Variants in WDR82 observed in about 807,000 individuals in gnomAD.
The protein encoded by WDR82 is WD repeat-containing protein 82.
Under a neutral mutation model 36.1 loss-of-function variants are expected in WDR82, and 8 were observed. That is an observed-to-expected ratio of 0.22 (90% CI 0.13 to 0.40). WDR82 has a LOEUF of 0.40. Ranked by LOEUF, WDR82 falls within the 10% of genes least tolerant of loss-of-function variation. WDR82 has a pLI of 1.00. For missense variants in WDR82, 185 were observed against 400.5 expected (o/e 0.46, Z 4.59); for synonymous variants, 129 against 137.8 (o/e 0.94, Z 0.45).
chr3:52,272,218 A>G (rs1700160624), intron 1 of WDR82, among the ~76,000 whole-genome samples: 1 of 152,228 alleles, frequency 6.6e-6, no homozygotes, highest in African/African-American at 2.4e-5. Context: ...CAGAACCTTT[A>G]ACCAAAAACT....
intron 2 of WDR82, among the ~76,000 whole-genome samples, 185 bp downstream of exon 2, chr3:52,270,527 T>A (rs1053734352): frequency 7.9e-5 from 12 of 152,224 alleles, no homozygotes; most frequent in Admixed American, 7.2e-4. Flanking sequence ...CAGTCCCAAG[T>A]CCTTCAAAAG....
chr3:52,278,611 A>C lies in WDR82; in HGVS notation c.-250T>G. 2.5e-6 allele frequency: 1 copy of C among 398,872 alleles called. No individual in the cohort carries two copies. The highest frequency in any genetic ancestry group is 4.4e-6 in the Non-Finnish European group (1 of 227,306). The allele number at this position is 398,872 out of a possible 1,614,324, so 24.7% of individuals were successfully genotyped here. Reference sequence around the variant, plus strand: ...CGGACAACCGGCGCGTCGCCGGCTCATTGTGTCCGCCATTTTGGGGCGACA... The same window carrying C: ...CGGACAACCGGCGCGTCGCCGGCTCCTTGTGTCCGCCATTTTGGGGCGACA... On this transcript the variant is annotated 5_prime_UTR_variant, in exon 1 of 9. An upstream start codon of the reference 5' UTR is lost. Transcript: ENST00000296490.
chr3:52,266,369 A>G (rs1284800458), intron 3 of WDR82, among the ~76,000 whole-genome samples: 1 of 152,052 alleles, frequency 6.6e-6, no homozygotes, highest in Admixed American at 6.5e-5. Flanking sequence ...CTAGTTTTAT[A>G]TGTATATATA....
In WDR82 at chr3:52,254,782, T is replaced by C. The variant is rs1046148615; in HGVS notation, c.*2708A>G. ...TGCCCCACTCCCCACCCATCCCCAA[T>C]AGGGCTTGAGCACCTGTAGCCCTGC... On this transcript the variant is annotated 3_prime_UTR_variant, in exon 9 of 9. Transcript: ENST00000296490. 6 of 152,132 alleles carry C rather than the reference T, an allele frequency of 3.9e-5. No homozygotes were observed. Among genetic ancestry groups the C allele is most frequent in the Admixed American group, 2.0e-4 (3 of 15,270 alleles). The allele number at this position is 152,132 out of a possible 1,614,324, so 9.4% of individuals were successfully genotyped here.
In WDR82 at chr3:52,278,416, G is replaced by A. The variant is rs1700227533; in HGVS notation, c.-55C>T. 10 of 1,239,634 alleles carry A rather than the reference G, an allele frequency of 8.1e-6. No homozygotes were observed. Among genetic ancestry groups the A allele is most frequent in the South Asian group, 2.6e-5 (1 of 38,770 alleles). The allele number at this position is 1,239,634 out of a possible 1,614,324, so 76.8% of individuals were successfully genotyped here. A position where few individuals can be genotyped will look rare whatever the true frequency, so the allele number is the denominator to read the frequency against. On this transcript the variant is annotated 5_prime_UTR_variant, in exon 1 of 9. Transcript: ENST00000296490. ...CAGGGCCGGGGCGGGGCCCGGCGGC[G>A]AGCGGGCGGGCTGCCGAGGGGCCAA...
intron 2 of WDR82, among the ~76,000 whole-genome samples, 170 bp downstream of exon 2, chr3:52,270,542 A>G (rs1220029159): frequency 6.6e-6 from 1 of 152,244 alleles, no homozygotes; most frequent in East Asian, 1.9e-4. Context: ...CAAAAGTGCC[A>G]ATGGCTTGCT....
chr3:52,273,651 C>T (rs1209445153), intron 1 of WDR82, among the ~76,000 whole-genome samples: 2 of 152,122 alleles, frequency 1.3e-5, no homozygotes, highest in East Asian at 1.9e-4. Context: ...GAGACATTCT[C>T]GCTCTGTTAC....
chr3:52,278,420 G>T lies in WDR82; in HGVS notation c.-59C>A. 2 of 1,229,758 alleles carry T rather than the reference G, an allele frequency of 1.6e-6. No homozygotes were observed. Among genetic ancestry groups the T allele is most frequent in the Non-Finnish European group, 2.0e-6 (2 of 983,112 alleles). The allele number at this position is 1,229,758 out of a possible 1,614,324, so 76.2% of individuals were successfully genotyped here. On this transcript the variant is annotated 5_prime_UTR_variant, in exon 1 of 9. Coordinates refer to ENST00000296490, the MANE Select transcript of WDR82 (RefSeq NM_025222.4). ...GCCGGGGCGGGGCCCGGCGGCGAGC[G>T]GGCGGGCTGCCGAGGGGCCAACCCA...
rs187484877 is a variant in WDR82, at chr3:52,266,210, C to T, written c.326+742G>A. 1.2e-3 allele frequency among the ~76,000 whole-genome samples: 179 copies of T among 152,096 alleles called. 1 individual carries two copies. The highest frequency in any genetic ancestry group is 9.0e-3 in the Admixed American group (137 of 15,276). ...TAAATGGAACATTTTTACATAGGGGCCCACTGAAATGGGGGCCACATATAT... is the reference window on the plus strand; with the variant it reads ...TAAATGGAACATTTTTACATAGGGGTCCACTGAAATGGGGGCCACATATAT... On this transcript the variant is annotated intron_variant, in intron 3 of 8. Coordinates refer to ENST00000296490, the MANE Select transcript of WDR82 (RefSeq NM_025222.4).
At chr3:52,267,676 T>C (rs1700117945) in intron 2 of WDR82, 1 of 152,304 alleles carries the variant, frequency 6.6e-6, no homozygotes, top group Non-Finnish European at 1.5e-5. Flanking sequence ...AGCAGTGAGA[T>C]TTTGACAATA....
intron 2 of WDR82, 47 bp from the exon 3 acceptor site, chr3:52,267,065 A>G: frequency 6.9e-7 from 1 of 1,456,274 alleles, no homozygotes; most frequent in Non-Finnish European, 9.5e-7. Context: ...TATTTAAAAG[A>G]AATTTACTTT....
intron 2 of WDR82, 108 bp downstream of exon 2, chr3:52,270,604 G>T: frequency 1.2e-6 from 1 of 847,800 alleles, no homozygotes; most frequent in Admixed American, 2.6e-5. Context: ...AACATTATAT[G>T]AAAATACTTA....
At chr3:52,264,485 C>T (rs562096691) in intron 3 of WDR82, among the ~76,000 whole-genome samples, 1 of 152,160 alleles carries the variant, frequency 6.6e-6, no homozygotes, top group South Asian at 2.1e-4. Context: ...TTGGATAAAG[C>T]CCCATAGACG....
chr3:52,268,503 G>A (rs371455918), intron 2 of WDR82: 1 of 321,906 alleles, frequency 3.1e-6, no homozygotes, highest in Admixed American at 3.8e-5. Flanking sequence ...CACATTTGGA[G>A]AATCCTCATT....
chr3:52,258,817 C>T (rs1700034004), intron 7 of WDR82, 139 bp from the exon 8 acceptor site: 1 of 1,224,658 alleles, frequency 8.2e-7, no homozygotes, highest in Admixed American at 2.4e-5. Context: ...GGAGGAGAGG[C>T]AGTGAAGGAA....
At chr3:52,261,822 T>C (rs1257703283) in intron 3 of WDR82, among the ~76,000 whole-genome samples, 1 of 152,134 alleles carries the variant, frequency 6.6e-6, no homozygotes, top group Non-Finnish European at 1.5e-5. Flanking sequence ...ACATTGCTAA[T>C]GGAAATGTAA....
chr3:52,272,187 C>G (rs1470871229), intron 1 of WDR82, among the ~76,000 whole-genome samples: 4 of 152,168 alleles, frequency 2.6e-5, no homozygotes, highest in Non-Finnish European at 5.9e-5. Context: ...CCTTGAAGAG[C>G]AAGGCTAAAA....
At chr3:52,278,110 G>A in intron 1 of WDR82, 91 bp downstream of exon 1, 2 of 1,346,882 alleles carry the variant, frequency 1.5e-6, no homozygotes, top group Non-Finnish European at 1.9e-6. Context: ...GCTGGGGGCT[G>A]AAGTCGGGAC....
chr3:52,264,381 C>T (rs750613296), intron 3 of WDR82, among the ~76,000 whole-genome samples: 15 of 152,010 alleles, frequency 9.9e-5, no homozygotes, highest in Admixed American at 2.6e-4. Context: ...TCACCTGCCA[C>T]GGGAAAGTAA....
Sources: allele counts gnomAD v4.1 joint callset (sites outside exome capture counted in the v4.1 genomes callset), GRCh38; gene constraint gnomAD v4.1.1; transcripts MANE v1.5; gene names NCBI Gene and HGNC (gene_info 2026-07-23, HGNC 2026-07-21).